Variants in EGF observed in about 807,000 individuals in gnomAD.
EGF encodes the protein pro-epidermal growth factor.
EGF carries 95 observed loss-of-function variants against 143.8 expected under a neutral mutation model. That is an observed-to-expected ratio of 0.66 (90% CI 0.56 to 0.78). The LOEUF (loss-of-function observed/expected upper bound fraction) is 0.78, where lower values mean the gene tolerates loss of function less well. Ranked by LOEUF, EGF falls within the 30% of genes least tolerant of loss-of-function variation. EGF has a pLI of 0.00. For synonymous variants in EGF, 510 were observed against 510.5 expected (o/e 1.00, Z 0.01); for missense variants, 1,320 against 1,470.9 (o/e 0.90, Z 1.68).
intron 10 of EGF, among the ~76,000 whole-genome samples, chr4:109,967,857 A>C (rs189620330): frequency 7.8e-4 from 119 of 152,290 alleles, no homozygotes; most frequent in African/African-American, 2.8e-3. Flanking sequence ...CAGTAGTAAA[A>C]ATTTGTGTAT....
At chr4:110,010,740 T>TG (rs1291979095) in intron 23 of EGF, among the ~76,000 whole-genome samples, 1 of 152,190 alleles carries the variant, frequency 6.6e-6, no homozygotes, top group Non-Finnish European at 1.5e-5. Flanking sequence ...CATGAGCCCC[T>TG]GCACTGGCCT....
At chr4:109,952,436 A>G (rs534175863) in intron 5 of EGF, among the ~76,000 whole-genome samples, 2 of 152,182 alleles carry the variant, frequency 1.3e-5, no homozygotes, top group South Asian at 2.1e-4. Flanking sequence ...AATTGTCTCC[A>G]CCTGGAAATG....
Position 109,987,751 on chromosome 4 carries a change from T to TC in EGF, c.2499_2500insC (p.Asp834ArgfsTer37). ...GATTCTTGCTATTTGTAGATCAAGA[T>TC]GACTGTGCTCCTGTGGGATGCAGCA... On this transcript the variant is annotated frameshift_variant, in exon 17 of 24. Coordinates refer to ENST00000265171, the MANE Select transcript of EGF (RefSeq NM_001963.6). LOFTEE classifies it high-confidence loss of function. 1 of 1,613,394 alleles carries TC rather than the reference T, an allele frequency of 6.2e-7. No homozygotes were observed. Among genetic ancestry groups the TC allele is most frequent in the Admixed American group, 1.7e-5 (1 of 60,012 alleles).
At position 109,988,784 on chromosome 4, in the gene EGF, C is replaced by T. The variant is rs1235362709; in HGVS notation, c.2734+75C>T. ...TCGGGAAACAATGTGGGTGCATGAG[C>T]AGAGGGAAGACAGGATATAATTGGG... On this transcript the variant is annotated intron_variant, in intron 18 of 23. Transcript: ENST00000265171. 1.9e-6 allele frequency: 3 copies of T among 1,601,818 alleles called. No individual in the cohort carries two copies. In the African/African-American group the frequency reaches 4.0e-5, roughly 21 times the overall value.
At chr4:109,932,962 G>A (rs1359124746) in intron 1 of EGF, among the ~76,000 whole-genome samples, 2 of 152,194 alleles carry the variant, frequency 1.3e-5, no homozygotes, top group African/African-American at 4.8e-5. Context: ...TTATACCAAT[G>A]TTCCAGTCCC....
intron 1 of EGF, among the ~76,000 whole-genome samples, chr4:109,932,856 A>G (rs1176074333): frequency 6.6e-6 from 1 of 152,128 alleles, no homozygotes; most frequent in Non-Finnish European, 1.5e-5. Context: ...TCTTTGCCCC[A>G]CGAATTAGTA....
Position 109,968,999 on chromosome 4 carries a change from GGATA to G in EGF, c.1607_1610del (p.Ile536ArgfsTer18). 6.2e-7 allele frequency: 1 copy of G among 1,614,130 alleles called. No homozygotes were observed. The highest frequency in any genetic ancestry group is 8.5e-7 in the Non-Finnish European group (1 of 1,179,994). Reference sequence around the variant, plus strand: ...TACTTTGCCCATACAGCCCTGAAGTGGATAGAGAGAGCTAATATGGATGGTTCCC... The same window carrying G: ...TACTTTGCCCATACAGCCCTGAAGTGGAGAGAGCTAATATGGATGGTTCCC... On this transcript the variant is annotated frameshift_variant, in exon 11 of 24. Coordinates refer to ENST00000265171, the MANE Select transcript of EGF (RefSeq NM_001963.6). LOFTEE classifies it high-confidence loss of function.
At chr4:109,962,118 C>A in intron 8 of EGF, 133 bp downstream of exon 8, 1 of 1,443,940 alleles carries the variant, frequency 6.9e-7, no homozygotes, top group Non-Finnish European at 9.5e-7. Flanking sequence ...ATTGTTACAA[C>A]AGATTAACAT....
At position 109,927,806 on chromosome 4, in the gene EGF, CGTGTGTGT is replaced by C. The variant is rs57788647; in HGVS notation, c.128-13104_128-13097del. ...CAGGATAGTGATTTCTGAATTTTGC[CGTGTGTGT>C]GTGTGTGTGTGTGTGTGTGTGTGTG... On this transcript the variant is annotated intron_variant, in intron 1 of 23. Coordinates refer to ENST00000265171, the MANE Select transcript of EGF (RefSeq NM_001963.6). 3.7e-3 allele frequency among the ~76,000 whole-genome samples: 504 copies of C among 136,388 alleles called. 4 individuals are homozygous for C. The highest frequency in any genetic ancestry group is 6.7e-3 in the African/African-American group (238 of 35,482). The allele number at this position is 136,388 out of a possible 152,430, so 89.5% of individuals were successfully genotyped here. A position where few individuals can be genotyped will look rare whatever the true frequency, so the allele number is the denominator to read the frequency against.
intron 1 of EGF, among the ~76,000 whole-genome samples, chr4:109,922,980 C>T (rs1256025008): frequency 2.0e-5 from 3 of 151,528 alleles, no homozygotes; most frequent in African/African-American, 4.9e-5. Context: ...TTCAACAATG[C>T]TTAGAGAAGT....
At chr4:109,975,499 G>A (rs946834190) in intron 12 of EGF, among the ~76,000 whole-genome samples, 4 of 152,168 alleles carry the variant, frequency 2.6e-5, no homozygotes, top group Non-Finnish European at 5.9e-5. Context: ...CAAAAAAAAT[G>A]TGCCCAGCAC....
chr4:110,012,624 C>T lies in EGF; in HGVS notation c.*1169C>T, dbSNP rs565843087. Among the ~76,000 whole-genome samples, 4 of 152,210 alleles carry T rather than the reference C, an allele frequency of 2.6e-5. No homozygotes were observed. The highest frequency in any genetic ancestry group is 2.1e-4 in the South Asian group (1 of 4,816). On this transcript the variant is annotated 3_prime_UTR_variant, in exon 24 of 24. Transcript: ENST00000265171. Reference sequence around the variant, plus strand: ...TTGAACTCCTGGCCTCAAGCAAGGTCGTGCTGGTAATTTTGCAAAATGAAT... The same window carrying T: ...TTGAACTCCTGGCCTCAAGCAAGGTTGTGCTGGTAATTTTGCAAAATGAAT...
intron 20 of EGF, among the ~76,000 whole-genome samples, chr4:109,997,937 A>G (rs1190408749): frequency 6.6e-6 from 1 of 152,236 alleles, no homozygotes; most frequent in Non-Finnish European, 1.5e-5. Flanking sequence ...TTATTTGGCT[A>G]TGGAAAGGCA....
At chr4:109,988,347 C>T (rs190251397) in intron 17 of EGF, among the ~76,000 whole-genome samples, 91 of 152,248 alleles carry the variant, frequency 6.0e-4, no homozygotes, top group African/African-American at 2.1e-3. Flanking sequence ...GAAACTCTGG[C>T]AGAAAGTGAT....
At chr4:109,949,318 C>T (rs1460626461) in intron 5 of EGF, among the ~76,000 whole-genome samples, 1 of 152,164 alleles carries the variant, frequency 6.6e-6, no homozygotes, top group Non-Finnish European at 1.5e-5. Context: ...CCACCTGCCT[C>T]AGCCTCCCAA....
At chr4:109,961,076 T>A in intron 7 of EGF, 87 bp downstream of exon 7, 1 of 1,450,240 alleles carries the variant, frequency 6.9e-7, no homozygotes. Flanking sequence ...GTTGGTGATC[T>A]TCAATCAGCA....
At chr4:109,926,160 C>G (rs1301307781) in intron 1 of EGF, among the ~76,000 whole-genome samples, 1 of 152,038 alleles carries the variant, frequency 6.6e-6, no homozygotes, top group African/African-American at 2.4e-5. Flanking sequence ...TGTGACCAGC[C>G]TAGGCAACAT....
At chr4:109,988,852 A>C in intron 18 of EGF, 143 bp downstream of exon 18, 1 of 1,276,768 alleles carries the variant, frequency 7.8e-7, no homozygotes, top group Non-Finnish European at 1.1e-6. Flanking sequence ...CGACCTGCTC[A>C]AACTGACGTA....
intron 21 of EGF, among the ~76,000 whole-genome samples, chr4:110,001,098 T>G (rs1017021378): frequency 1.5e-4 from 23 of 152,230 alleles, no homozygotes; most frequent in Middle Eastern, 3.2e-3. Flanking sequence ...GGAATCAGAT[T>G]ATACAGGTTC....
Sources: gnomAD v4.1 joint callset for allele counts (sites outside exome capture counted in the v4.1 genomes callset) on GRCh38, gnomAD v4.1.1 for gene constraint, MANE v1.5 for transcripts, NCBI Gene and HGNC (gene_info 2026-07-23, HGNC 2026-07-21) for gene names.